The following TGS1 variants were observed in gnomAD, a reference collection of about 807,000 sequenced individuals.
TGS1 encodes trimethylguanosine synthase.
TGS1 carries 69 observed loss-of-function variants against 92.2 expected under a neutral mutation model. That is an observed-to-expected ratio of 0.75 (90% CI 0.62 to 0.91). TGS1 has a LOEUF of 0.91. Ranked by LOEUF, TGS1 falls within the 40% of genes least tolerant of loss-of-function variation. The pLI, the probability that TGS1 is intolerant of heterozygous loss-of-function variation, is 0.00. For missense variants in TGS1, 1,062 were observed against 1,001.2 expected, an observed-to-expected ratio of 1.06 and a Z score of -0.82; for synonymous variants, 345 against 338.1, an observed-to-expected ratio of 1.02 and a Z score of -0.22.
intron 10 of TGS1, 144 bp downstream of exon 10, chr8:55,805,180 A>G: frequency 1.8e-6 from 1 of 570,928 alleles, no homozygotes; most frequent in Non-Finnish European, 2.7e-6. Flanking sequence ...GCTAGCATAT[A>G]TTAAGCATAT....
At chr8:55,820,041 C>G (rs1157294868) in intron 12 of TGS1, among the ~76,000 whole-genome samples, 1 of 152,218 alleles carries the variant, frequency 6.6e-6, no homozygotes, top group Non-Finnish European at 1.5e-5. Context: ...CAATTATCTT[C>G]TAACCACATT....
intron 12 of TGS1, among the ~76,000 whole-genome samples, chr8:55,815,315 A>C (rs1281560196): frequency 6.6e-6 from 1 of 152,194 alleles, no homozygotes; most frequent in Non-Finnish European, 1.5e-5. Context: ...ATGAGATTTC[A>C]AGTGTATTAA....
At position 55,792,677 on chromosome 8, in the gene TGS1, GT is replaced by G; in HGVS notation, c.1281-18del. On this transcript the variant is annotated intron_variant, in intron 5 of 12. Transcript: ENST00000260129. ...GCTCTGGTGGTAATGGCTTATCACT[GT>G]TTACCTTTTCTTTATTTAGCCATGA... 3.2e-6 allele frequency: 5 copies of G among 1,586,374 alleles called. No individual in the cohort carries two copies. The highest frequency in any genetic ancestry group is 1.3e-5 in the African/African-American group (1 of 74,456).
chr8:55,786,168 A>AGT, intron 3 of TGS1, 70 bp from the exon 4 acceptor site: 2 of 910,494 alleles, frequency 2.2e-6, no homozygotes, highest in Non-Finnish European at 3.2e-6. Context: ...ATGTCAAAAT[A>AGT]GACTTGGATT....
At chr8:55,810,829 A>G (rs1046581234) in intron 10 of TGS1, 52 bp from the exon 11 acceptor site, 4 of 1,399,150 alleles carry the variant, frequency 2.9e-6, no homozygotes, top group African/African-American at 1.4e-5. Flanking sequence ...ACTATCCTAT[A>G]TAAGTAATAA....
Position 55,805,004 on chromosome 8 carries a change from A to G in TGS1, c.2111A>G (p.Asn704Ser). 2 of 1,614,040 alleles carry G rather than the reference A, an allele frequency of 1.2e-6. No homozygotes were observed. The highest frequency in any genetic ancestry group is 1.3e-5 in the African/African-American group (1 of 75,028). Residue 704 changes from asparagine (N) to serine (S), a missense_variant, in exon 10 of 13, where the codon AAT (asparagine) becomes AGT (serine). By Grantham distance (46) the Asn-to-Ser change is conservative. Coordinates refer to ENST00000260129, the MANE Select transcript of TGS1 (RefSeq NM_024831.8). ...VVDAFCGVGG[N>S]TIQFALTGMR... ...GACGCATTCTGTGGAGTTGGAGGAA[A>G]TACCATTCAGTTTGCCTTAACAGGA...
Position 55,786,920 on chromosome 8 carries a change from G to A in TGS1, c.1022G>A (p.Ser341Asn). The A allele has an allele frequency of 6.2e-7, 1 of 1,614,144 alleles. No homozygotes were observed. Among genetic ancestry groups the A allele is most frequent in the Non-Finnish European group, 8.5e-7 (1 of 1,180,016 alleles). The part of the protein sequence containing the change: ...VTQSQLDSCT[S>N]HDGHQQLSEV... ...CAGAGCCAATTAGATTCCTGTACAA[G>A]TCATGATGGTCATCAACAGCTAAGT... is the stretch of plus-strand genomic sequence containing the variant. Residue 341 changes from serine (S) to asparagine (N), a missense_variant, in exon 4 of 13, where the codon AGT becomes AAT. Coordinates refer to ENST00000260129, the MANE Select transcript of TGS1 (RefSeq NM_024831.8).
In TGS1 at chr8:55,782,753, G is replaced by T. The variant is rs754206400; in HGVS notation, c.107G>T (p.Arg36Leu). 1 of 1,609,726 alleles carries T rather than the reference G, an allele frequency of 6.2e-7. No individual in the cohort carries two copies. Among genetic ancestry groups the T allele is most frequent in the Non-Finnish European group, 8.5e-7 (1 of 1,178,424 alleles). The change falls in exon 2 of 13, where the codon CGA (arginine) becomes CTA (leucine). Residue 36 changes from arginine to leucine, a missense_variant. By Grantham distance (102) the Arg-to-Leu change is moderately radical. Coordinates refer to ENST00000260129, the MANE Select transcript of TGS1 (RefSeq NM_024831.8). Reference sequence around the variant, plus strand: ...CTGCTTAATCTGCTTCGCAGGGATCGAAAATTGTACAATTTGGGATTAAAA... The same window carrying T: ...CTGCTTAATCTGCTTCGCAGGGATCTAAAATTGTACAATTTGGGATTAAAA... Reference protein sequence around the residue: ...CLCSRAFVEDRKLYNLGLKGY... With the variant: ...CLCSRAFVEDLKLYNLGLKGY...
At chr8:55,789,600 A>T (rs1554560275) in intron 4 of TGS1, among the ~76,000 whole-genome samples, 1 of 152,248 alleles carries the variant, frequency 6.6e-6, no homozygotes, top group Non-Finnish European at 1.5e-5. Flanking sequence ...AACTTTATAC[A>T]AATTAAATTT....
intron 8 of TGS1, among the ~76,000 whole-genome samples, chr8:55,801,717 TA>T (rs1812221393): frequency 6.7e-6 from 1 of 148,302 alleles, no homozygotes; most frequent in Non-Finnish European, 1.5e-5. Flanking sequence ...GCCTCCCAAG[TA>T]GCTGGGATTA....
rs187997715 is a variant in TGS1 at position 55,785,489 on chromosome 8, C to T, written c.167-230C>T. 5.9e-4 allele frequency among the ~76,000 whole-genome samples: 89 copies of T among 152,114 alleles called. 1 individual carries two copies. The highest frequency in any genetic ancestry group is 2.1e-3 in the Admixed American group (32 of 15,264). On this transcript the variant is annotated intron_variant, in intron 2 of 12. Coordinates refer to ENST00000260129, the MANE Select transcript of TGS1 (RefSeq NM_024831.8). ...CTGAGGCAAGAGGACTGACTGAGCCCGGGAGTTCAGAGCTTTTTAGTGCAT... is the reference window on the plus strand; with the variant it reads ...CTGAGGCAAGAGGACTGACTGAGCCTGGGAGTTCAGAGCTTTTTAGTGCAT...
At position 55,795,986 on chromosome 8, in the gene TGS1, G is replaced by A; in HGVS notation, c.1376G>A (p.Gly459Glu). Reference protein sequence around the residue: ...FKYGSGQKYGGIPNFSHRQVR... With the variant: ...FKYGSGQKYGEIPNFSHRQVR... ...CTTTTGATCTGTCACAGATATGGTG[G>A]AATCCCAAATTTCAGTCATCGGCAG... is the stretch of plus-strand genomic sequence containing the variant. Residue 459 changes from glycine (G) to glutamate (E), a missense_variant, in exon 7 of 13, where the codon GGA (glycine) becomes GAA (glutamate). Coordinates refer to ENST00000260129, the MANE Select transcript of TGS1 (RefSeq NM_024831.8). 1 of 1,612,748 alleles carries A rather than the reference G, an allele frequency of 6.2e-7. No homozygotes were observed. The highest frequency in any genetic ancestry group is 8.5e-7 in the Non-Finnish European group (1 of 1,179,354).
intron 7 of TGS1, among the ~76,000 whole-genome samples, chr8:55,796,497 C>CT: frequency 6.6e-6 from 1 of 151,684 alleles, no homozygotes; most frequent in Middle Eastern, 3.5e-3. Context: ...CCAGACAAAC[C>CT]TGACCAACAT....
chr8:55,819,918 G>A (rs951198334), intron 12 of TGS1, among the ~76,000 whole-genome samples: 1 of 152,182 alleles, frequency 6.6e-6, no homozygotes, highest in African/African-American at 2.4e-5. Flanking sequence ...TTCTTGGCCT[G>A]TGTGACATTA....
intron 9 of TGS1, among the ~76,000 whole-genome samples, chr8:55,803,089 CA>C (rs755787064): frequency 6.6e-6 from 1 of 151,540 alleles, no homozygotes; most frequent in Non-Finnish European, 1.5e-5. Flanking sequence ...TTCAAAGGAT[CA>C]ATGGCCATTT....
rs1381907198 is a variant in TGS1 at position 55,824,951 on chromosome 8, C to G, written c.*248C>G. ...TTTATTTTTTTTTGAGACAGGATCT[C>G]ACTTTTACCGCCCAGGCTGGAGTGC... On this transcript the variant is annotated 3_prime_UTR_variant, in exon 13 of 13. Coordinates refer to ENST00000260129, the MANE Select transcript of TGS1 (RefSeq NM_024831.8). 1 of 360,696 alleles carries G rather than the reference C, an allele frequency of 2.8e-6. No individual in the cohort carries two copies. The highest frequency in any genetic ancestry group is 6.7e-5 in the East Asian group (1 of 15,006). The allele number at this position is 360,696 out of a possible 1,614,324, so 22.3% of individuals were successfully genotyped here. A position where few individuals can be genotyped will look rare whatever the true frequency, so the allele number is the denominator to read the frequency against.
At chr8:55,789,748 A>G (rs1184104730) in intron 4 of TGS1, among the ~76,000 whole-genome samples, 1 of 152,238 alleles carries the variant, frequency 6.6e-6, no homozygotes, top group Admixed American at 6.5e-5. Flanking sequence ...TGTACAACGT[A>G]CAGAAGGTGG....
chr8:55,789,021 A>T (rs755588407), intron 4 of TGS1, among the ~76,000 whole-genome samples: 10 of 152,094 alleles, frequency 6.6e-5, no homozygotes, highest in Non-Finnish European at 1.2e-4. Flanking sequence ...CCATTTCTGT[A>T]ATAACTCCAG....
At chr8:55,821,791 T>C (rs1010593589) in intron 12 of TGS1, among the ~76,000 whole-genome samples, 3 of 151,766 alleles carry the variant, frequency 2.0e-5, no homozygotes, top group African/African-American at 7.3e-5. Context: ...GAGAATGGCA[T>C]GAACCCAGGA....
Sources: gnomAD v4.1 joint callset for allele counts (sites outside exome capture counted in the v4.1 genomes callset) on GRCh38, gnomAD v4.1.1 for gene constraint, MANE v1.5 for transcripts, NCBI Gene and HGNC (gene_info 2026-07-23, HGNC 2026-07-21) for gene names.